Variants in TM9SF3 observed in about 807,000 individuals in gnomAD.
The protein encoded by TM9SF3 is transmembrane 9 superfamily member 3, also known as SM-11044-binding protein.
A neutral mutation model predicts 78.6 loss-of-function variants in TM9SF3; 14 were observed. That is an observed-to-expected ratio of 0.18 (90% CI 0.12 to 0.28). The LOEUF (loss-of-function observed/expected upper bound fraction) is 0.28, where lower values mean the gene tolerates loss of function less well. TM9SF3 is among the 10% of genes least tolerant of loss of function. TM9SF3 has a pLI of 1.00. For missense variants in TM9SF3, 496 were observed against 721.9 expected (o/e 0.69, Z 3.59); for synonymous variants, 231 against 241.7 (o/e 0.96, Z 0.41).
chr10:96,548,108 C>T, intron 7 of TM9SF3, 119 bp from the exon 8 acceptor site: 1 of 621,520 alleles, frequency 1.6e-6, no homozygotes, highest in South Asian at 2.5e-5. Context: ...ACAAAAATAT[C>T]ACAACCTGGA....
At chr10:96,551,893 A>G (rs978516076) in intron 6 of TM9SF3, among the ~76,000 whole-genome samples, 3 of 151,994 alleles carry the variant, frequency 2.0e-5, no homozygotes, top group African/African-American at 7.3e-5. Flanking sequence ...AATATTCAAT[A>G]TGAATGTTTT....
At chr10:96,571,036 G>C (rs779975132) in intron 2 of TM9SF3, among the ~76,000 whole-genome samples, 2 of 152,102 alleles carry the variant, frequency 1.3e-5, no homozygotes, top group African/African-American at 4.8e-5. Context: ...CACCACCCCC[G>C]GCCATGGGAA....
intron 5 of TM9SF3, among the ~76,000 whole-genome samples, chr10:96,556,082 A>G (rs1045133457): frequency 6.6e-6 from 1 of 152,192 alleles, no homozygotes; most frequent in African/African-American, 2.4e-5. Flanking sequence ...TTATTCTAAA[A>G]ATTATGAGAT....
chr10:96,542,395 T>C (rs533625722), intron 9 of TM9SF3, among the ~76,000 whole-genome samples: 1 of 152,288 alleles, frequency 6.6e-6, no homozygotes, highest in African/African-American at 2.4e-5. Flanking sequence ...TTATAAACCT[T>C]CTCTGGCTCA....
intron 7 of TM9SF3, 21 bp downstream of exon 7, chr10:96,551,224 C>A: frequency 6.4e-7 from 1 of 1,572,128 alleles, no homozygotes; most frequent in Non-Finnish European, 8.7e-7. Context: ...AGACATAATA[C>A]AGTTAAGTGT....
chr10:96,560,086 T>C, intron 4 of TM9SF3: 2 of 604,974 alleles, frequency 3.3e-6, no homozygotes, highest in Admixed American at 5.4e-5. Flanking sequence ...AATCTGTACA[T>C]CTGCCTGGTG....
chr10:96,569,371 T>C (rs1181646753), intron 2 of TM9SF3, among the ~76,000 whole-genome samples: 1 of 152,152 alleles, frequency 6.6e-6, no homozygotes, highest in East Asian at 1.9e-4. Context: ...GGTTGAACTA[T>C]GCATACCCAG....
chr10:96,547,984 C>G lies in TM9SF3; in HGVS notation c.965G>C (p.Gly322Ala). ...AMIEDLYTER[G>A]SMLSTAIFVY... ...AAATATGGCTGTACTGAGCATTGAT[C>G]CCCTCCTAAAAAGGCAAAAAAGAAA... is the stretch of plus-strand genomic sequence containing the variant. The change falls in exon 8 of 15, where the codon GGA (glycine) becomes GCA (alanine). Residue 322 changes from glycine (G) to alanine (A), a missense_variant. Physicochemically the swap from Gly to Ala is moderately conservative, Grantham distance 60 (BLOSUM62 0). Around this residue, in one of 4 missense-constraint regions of TM9SF3, gnomAD observed 280 missense variants for 422.6 expected, o/e 0.66. Coordinates refer to ENST00000371142, the MANE Select transcript of TM9SF3 (RefSeq NM_020123.4). The G allele has an allele frequency of 1.3e-6, 2 of 1,589,134 alleles. No homozygotes were observed. Among genetic ancestry groups the G allele is most frequent in the Non-Finnish European group, 1.7e-6 (2 of 1,171,628 alleles).
At chr10:96,545,555 T>G (rs975642325) in intron 8 of TM9SF3, among the ~76,000 whole-genome samples, 3 of 152,222 alleles carry the variant, frequency 2.0e-5, no homozygotes, top group African/African-American at 7.2e-5. Context: ...GCATTTTCTT[T>G]TCCTGCATTT....
At chr10:96,536,832 C>A (rs1399484623) in intron 9 of TM9SF3, among the ~76,000 whole-genome samples, 2 of 152,172 alleles carry the variant, frequency 1.3e-5, no homozygotes, top group African/African-American at 4.8e-5. Flanking sequence ...ATTATCCAGG[C>A]TGAAATGCAG....
chr10:96,521,098 C>A lies in TM9SF3; in HGVS notation c.*1165G>T. ...TGTCTCTAAATTACAAATTTGGCTC[C>A]TGTAGGAGTCTCAGAAAATAAACAG... On this transcript the variant is annotated 3_prime_UTR_variant, in exon 15 of 15. Coordinates refer to ENST00000371142, the MANE Select transcript of TM9SF3 (RefSeq NM_020123.4). 2.6e-6 allele frequency: 1 copy of A among 384,860 alleles called. No individual in the cohort carries two copies. Among genetic ancestry groups the A allele is most frequent in the Admixed American group, 4.5e-5 (1 of 22,276 alleles). 23.8% of individuals were successfully genotyped at this position (384,860 alleles called of 1,614,324 possible).
Position 96,579,678 on chromosome 10 carries a change from T to C in TM9SF3, c.103-2849A>G, listed in dbSNP as rs78204505. ...AGAGGACTGAAACAGTAATTAGAAA[T>C]ACACATACTGAGAGTTTAGGGTGAA... On this transcript the variant is annotated intron_variant, in intron 1 of 14. Coordinates refer to ENST00000371142, the MANE Select transcript of TM9SF3 (RefSeq NM_020123.4). 8.4e-3 allele frequency among the ~76,000 whole-genome samples: 1,283 copies of C among 152,278 alleles called. 22 individuals carry two copies. The highest frequency in any genetic ancestry group is 0.03 in the African/African-American group (1,229 of 41,550).
intron 3 of TM9SF3, among the ~76,000 whole-genome samples, chr10:96,563,230 C>T (rs1848330652): frequency 6.6e-6 from 1 of 152,130 alleles, no homozygotes; most frequent in African/African-American, 2.4e-5. Flanking sequence ...CAAGTGCCAC[C>T]ACGCCTGGGT....
intron 8 of TM9SF3, among the ~76,000 whole-genome samples, chr10:96,545,217 G>A (rs983998383): frequency 1.3e-5 from 2 of 152,154 alleles, no homozygotes; most frequent in African/African-American, 4.8e-5. Flanking sequence ...AAACAGCTTA[G>A]AAACACTGAA....
chr10:96,538,823 A>G (rs1847989021), intron 9 of TM9SF3, among the ~76,000 whole-genome samples: 1 of 152,224 alleles, frequency 6.6e-6, no homozygotes, highest in South Asian at 2.1e-4. Flanking sequence ...AGACAGCACT[A>G]TATACTCACT....
At chr10:96,547,763 T>G in intron 8 of TM9SF3, 132 bp downstream of exon 8, 1 of 689,686 alleles carries the variant, frequency 1.4e-6, no homozygotes, top group Non-Finnish European at 2.4e-6. Context: ...GAGACTGCAG[T>G]GAGCAGAGAT....
At chr10:96,549,734 C>T (rs1848145168) in intron 7 of TM9SF3, among the ~76,000 whole-genome samples, 1 of 147,542 alleles carries the variant, frequency 6.8e-6, no homozygotes, top group African/African-American at 2.5e-5. Flanking sequence ...CAATGCATGA[C>T]TTGCCTGCTA....
chr10:96,580,411 GC>G (rs1386761665), intron 1 of TM9SF3, among the ~76,000 whole-genome samples: 1 of 151,956 alleles, frequency 6.6e-6, no homozygotes, highest in Non-Finnish European at 1.5e-5. Flanking sequence ...GACTACAGGC[GC>G]CCACCACCAC....
chr10:96,548,017 T>C, intron 7 of TM9SF3, 28 bp from the exon 8 acceptor site: 5 of 1,433,708 alleles, frequency 3.5e-6, no homozygotes, highest in Non-Finnish European at 4.8e-6. Flanking sequence ...AAAAAAAAAA[T>C]TAAAACCAAC....
Sources: allele counts gnomAD v4.1 joint callset (sites outside exome capture counted in the v4.1 genomes callset), GRCh38; gene constraint gnomAD v4.1.1; regional missense constraint gnomAD v4.1.1; transcripts MANE v1.5; gene names NCBI Gene and HGNC (gene_info 2026-07-23, HGNC 2026-07-21).